Variants in MALRD1 observed in about 807,000 individuals in gnomAD.
MALRD1 encodes MAM and LDL receptor class A domain containing 1, also known as MAM and LDL-receptor class A domain-containing protein 1.
MALRD1 carries 247 observed loss-of-function variants against 242.1 expected under a neutral mutation model. The observed-to-expected ratio is 1.02, with a 90% confidence interval of 0.92 to 1.13. The LOEUF (loss-of-function observed/expected upper bound fraction) is 1.13, where lower values mean the gene tolerates loss of function less well. MALRD1 is among the 50% of genes most tolerant of loss of function. MALRD1 has a pLI of 0.00. For synonymous variants in MALRD1, 995 were observed against 866.6 expected (o/e 1.15, Z -2.60); for missense variants, 2,989 against 2,533.1 (o/e 1.18, Z -3.86).
chr10:19,538,277 A>G (rs536446401), intron 32 of MALRD1, among the ~76,000 whole-genome samples: 2 of 152,326 alleles, frequency 1.3e-5, no homozygotes, highest in South Asian at 2.1e-4. Flanking sequence ...TAAATGACTG[A>G]TAATCAGAAT....
intron 29 of MALRD1, among the ~76,000 whole-genome samples, chr10:19,457,684 A>G (rs538557474): frequency 1.3e-5 from 2 of 150,244 alleles, no homozygotes; most frequent in Middle Eastern, 3.4e-3. Context: ...CAAGCAAGAA[A>G]CTAGGGAGAA....
At chr10:19,521,111 G>T (rs1399626464) in intron 31 of MALRD1, among the ~76,000 whole-genome samples, 1 of 152,038 alleles carries the variant, frequency 6.6e-6, no homozygotes, top group African/African-American at 2.4e-5. Flanking sequence ...ATCTTGGAGG[G>T]CATGATTAGA....
At chr10:19,223,059 C>G (rs1837632067) in intron 18 of MALRD1, among the ~76,000 whole-genome samples, 1 of 152,176 alleles carries the variant, frequency 6.6e-6, no homozygotes. Flanking sequence ...CATATCAACT[C>G]ACTATAGATT....
At chr10:19,449,669 A>G (rs780611512) in intron 28 of MALRD1, among the ~76,000 whole-genome samples, 3 of 152,146 alleles carry the variant, frequency 2.0e-5, no homozygotes, top group Non-Finnish European at 2.9e-5. Context: ...GGTCTTCAGT[A>G]TATCTGAAGA....
chr10:19,433,078 C>T (rs1026778225), intron 28 of MALRD1, among the ~76,000 whole-genome samples: 1 of 152,176 alleles, frequency 6.6e-6, no homozygotes, highest in Non-Finnish European at 1.5e-5. Flanking sequence ...GTGTTAGGTA[C>T]TCCTTATCAG....
intron 28 of MALRD1, among the ~76,000 whole-genome samples, chr10:19,442,244 G>A (rs915884892): frequency 9.2e-5 from 14 of 152,146 alleles, no homozygotes; most frequent in Non-Finnish European, 1.3e-4. Flanking sequence ...CTGAGACGAT[G>A]GGGTTTTCTA....
intron 36 of MALRD1, among the ~76,000 whole-genome samples, chr10:19,636,714 C>T (rs1345692393): frequency 1.3e-5 from 2 of 151,978 alleles, no homozygotes; most frequent in Non-Finnish European, 2.9e-5. Context: ...GCCAAAGCAA[C>T]ATGGTGAAAC....
At chr10:19,548,584 G>A (rs1835347311) in intron 32 of MALRD1, among the ~76,000 whole-genome samples, 1 of 152,018 alleles carries the variant, frequency 6.6e-6, no homozygotes, top group Non-Finnish European at 1.5e-5. Flanking sequence ...ATTTCTTATG[G>A]TGATCTGTGA....
intron 30 of MALRD1, among the ~76,000 whole-genome samples, chr10:19,494,049 G>A (rs1270747605): frequency 1.3e-5 from 2 of 152,126 alleles, no homozygotes; most frequent in East Asian, 3.9e-4. Context: ...GGCATTAAGA[G>A]GGAGCACAGC....
chr10:19,178,049 C>G (rs778896931), intron 14 of MALRD1, among the ~76,000 whole-genome samples: 1 of 152,008 alleles, frequency 6.6e-6, no homozygotes, highest in Admixed American at 6.6e-5. Flanking sequence ...GAGCTCTTAC[C>G]GAGGCAAAAG....
chr10:19,560,553 G>A (rs1835917768), intron 32 of MALRD1, among the ~76,000 whole-genome samples: 1 of 152,082 alleles, frequency 6.6e-6, no homozygotes, highest in Non-Finnish European at 1.5e-5. Flanking sequence ...CAAAGACTTG[G>A]AACCAACCCA....
chr10:19,435,588 G>C (rs574376516), intron 28 of MALRD1, among the ~76,000 whole-genome samples: 2 of 152,108 alleles, frequency 1.3e-5, no homozygotes, highest in East Asian at 3.9e-4. Flanking sequence ...GAATAGATTG[G>C]GGTAATATGT....
chr10:19,234,857 A>G (rs181425974), intron 18 of MALRD1, among the ~76,000 whole-genome samples: 44 of 152,196 alleles, frequency 2.9e-4, no homozygotes, highest in African/African-American at 1.0e-3. Flanking sequence ...CTCAGCATGG[A>G]GGTGTCACGG....
intron 1 of MALRD1, among the ~76,000 whole-genome samples, chr10:19,052,578 C>G (rs1410541202): frequency 9.2e-5 from 14 of 152,150 alleles, no homozygotes; most frequent in Non-Finnish European, 1.3e-4. Context: ...TCTTCCCTTA[C>G]CCTCCTGCCT....
intron 18 of MALRD1, among the ~76,000 whole-genome samples, chr10:19,233,543 C>G: frequency 6.6e-6 from 1 of 151,212 alleles, no homozygotes; most frequent in African/African-American, 2.4e-5. Context: ...CTTTAAGTTA[C>G]TAAAATTAAA....
At chr10:19,690,615 C>T (rs1842778004) in intron 36 of MALRD1, among the ~76,000 whole-genome samples, 1 of 151,898 alleles carries the variant, frequency 6.6e-6, no homozygotes, top group Non-Finnish European at 1.5e-5. Flanking sequence ...ATCCCTCATT[C>T]TATGTGTATT....
chr10:19,290,573 T>A (rs1841369308), intron 21 of MALRD1: 1 of 152,186 alleles, frequency 6.6e-6, no homozygotes, highest in Admixed American at 6.5e-5. Flanking sequence ...TCCATTTCCT[T>A]TAAATTATGT....
chr10:19,532,955 G>C (rs1189191537), intron 32 of MALRD1, among the ~76,000 whole-genome samples: 1 of 152,132 alleles, frequency 6.6e-6, no homozygotes, highest in African/African-American at 2.4e-5. Context: ...TGAGCTTCAA[G>C]AAACTCCACA....
chr10:19,342,100 G>A (rs991613729), intron 24 of MALRD1, among the ~76,000 whole-genome samples: 3 of 152,016 alleles, frequency 2.0e-5, no homozygotes, highest in Admixed American at 1.3e-4. Flanking sequence ...TTTATATTAC[G>A]TATATTATTT....
Sources: allele counts gnomAD v4.1 joint callset (sites outside exome capture counted in the v4.1 genomes callset), GRCh38; gene constraint gnomAD v4.1.1; transcripts MANE v1.5; gene names NCBI Gene and HGNC (gene_info 2026-07-23, HGNC 2026-07-21).